Variants in ERC1 observed in about 807,000 individuals in gnomAD.
ERC1 encodes ELKS/RAB6-interacting/CAST family member 1, also known as RAB6 interacting protein 2.
Under a neutral mutation model 132.0 loss-of-function variants are expected in ERC1, and 56 were observed. That is an observed-to-expected ratio of 0.42 (90% confidence interval 0.34 to 0.53). ERC1 has a LOEUF of 0.53. Ranked by LOEUF, ERC1 falls within the 20% of genes least tolerant of loss-of-function variation. ERC1 has a pLI of 0.03. For missense variants in ERC1, 1,202 were observed against 1,349.9 expected (o/e 0.89, Z 1.72); for synonymous variants, 478 against 476.1 (o/e 1.00, Z -0.05).
At chr12:1,345,981 T>A (rs904220004) in intron 15 of ERC1, among the ~76,000 whole-genome samples, 1 of 152,194 alleles carries the variant, frequency 6.6e-6, no homozygotes, top group East Asian at 1.9e-4. Context: ...AGTGGATGAA[T>A]GTTCCCGGAT....
At chr12:1,405,316 G>A (rs995845016) in intron 16 of ERC1, among the ~76,000 whole-genome samples, 3 of 149,304 alleles carry the variant, frequency 2.0e-5, no homozygotes, top group Non-Finnish European at 3.0e-5. Flanking sequence ...CTATCGTTAT[G>A]TACTGGAGGG....
At chr12:1,320,424 A>G (rs2082036262) in intron 15 of ERC1, among the ~76,000 whole-genome samples, 1 of 152,170 alleles carries the variant, frequency 6.6e-6, no homozygotes, top group Non-Finnish European at 1.5e-5. Context: ...ATATCTTTCT[A>G]CACCATTACT....
chr12:1,130,412 T>G (rs1948642921), intron 7 of ERC1, among the ~76,000 whole-genome samples: 1 of 151,404 alleles, frequency 6.6e-6, no homozygotes, highest in Non-Finnish European at 1.5e-5. Flanking sequence ...TTATGTTATG[T>G]GTTGGCTTAA....
At chr12:1,212,441 G>A (rs903615236) in intron 12 of ERC1, among the ~76,000 whole-genome samples, 4 of 152,034 alleles carry the variant, frequency 2.6e-5, no homozygotes, top group Non-Finnish European at 5.9e-5. Context: ...CTAGCTTAGG[G>A]CTCTTTCCTG....
chr12:1,129,300 G>A (rs892899261), intron 7 of ERC1, among the ~76,000 whole-genome samples: 2 of 140,346 alleles, frequency 1.4e-5, no homozygotes, highest in African/African-American at 2.6e-5. Flanking sequence ...GTGAGACTGC[G>A]TCTCCACAAA....
At chr12:1,213,781 A>G (rs1386550711) in intron 12 of ERC1, among the ~76,000 whole-genome samples, 13 of 150,718 alleles carry the variant, frequency 8.6e-5, no homozygotes, top group Admixed American at 8.6e-4. Flanking sequence ...GTGCATGCCT[A>G]TAATCCCAGC....
chr12:1,276,764 A>G (rs1051360502), intron 14 of ERC1, among the ~76,000 whole-genome samples: 14 of 152,230 alleles, frequency 9.2e-5, no homozygotes, highest in African/African-American at 3.4e-4. Context: ...TTTACTAAGT[A>G]ATTAAATTAT....
chr12:1,480,662 G>A (rs563937150), intron 18 of ERC1, among the ~76,000 whole-genome samples: 13 of 152,020 alleles, frequency 8.6e-5, no homozygotes, highest in African/African-American at 2.9e-4. Context: ...GTATTCTTTC[G>A]GAAATTCTTT....
chr12:1,050,446 T>C (rs986336930), intron 2 of ERC1, among the ~76,000 whole-genome samples: 1 of 152,196 alleles, frequency 6.6e-6, no homozygotes, highest in Non-Finnish European at 1.5e-5. Flanking sequence ...CTTTACTATA[T>C]GTGAATCACC....
intron 13 of ERC1, among the ~76,000 whole-genome samples, chr12:1,248,570 G>C (rs1159876995): frequency 6.6e-6 from 1 of 152,194 alleles, no homozygotes. Flanking sequence ...ATAGGTAAGG[G>C]TCAGGTCAAA....
At chr12:1,225,471 C>A (rs1033337769) in intron 12 of ERC1, among the ~76,000 whole-genome samples, 1 of 151,712 alleles carries the variant, frequency 6.6e-6, no homozygotes, top group African/African-American at 2.4e-5. Context: ...CACACACACA[C>A]ACACACACAC....
intron 12 of ERC1, among the ~76,000 whole-genome samples, chr12:1,222,204 A>G (rs1028270830): frequency 1.3e-5 from 2 of 151,352 alleles, no homozygotes; most frequent in African/African-American, 4.9e-5. Flanking sequence ...CTGTAGGACT[A>G]TTATGAGTGT....
intron 12 of ERC1, among the ~76,000 whole-genome samples, chr12:1,196,912 A>G (rs1956337384): frequency 2.6e-4 from 1 of 3,908 alleles, no homozygotes; most frequent in Non-Finnish European, 5.1e-4. Context: ...CTCTACACAC[A>G]CACACACACA....
intron 15 of ERC1, among the ~76,000 whole-genome samples, chr12:1,293,630 A>C (rs975187776): frequency 1.6e-5 from 2 of 123,742 alleles, no homozygotes; most frequent in African/African-American, 6.5e-5. Context: ...ACTCTGTCTC[A>C]AAAAAAAAAA....
At chr12:1,224,689 A>C (rs1368876601) in intron 12 of ERC1, among the ~76,000 whole-genome samples, 6 of 152,096 alleles carry the variant, frequency 3.9e-5, no homozygotes, top group South Asian at 2.1e-4. Flanking sequence ...ATAAAAAAGA[A>C]AAAAAAATAG....
chr12:1,353,077 C>T (rs1465943410), intron 15 of ERC1, among the ~76,000 whole-genome samples: 1 of 146,084 alleles, frequency 6.8e-6, no homozygotes, highest in Non-Finnish European at 1.5e-5. Context: ...ATCACTCAGG[C>T]TGGAGTGCAG....
chr12:1,237,968 A>G (rs2154303950), intron 13 of ERC1, among the ~76,000 whole-genome samples: 1 of 152,322 alleles, frequency 6.6e-6, no homozygotes, highest in Middle Eastern at 3.4e-3. Flanking sequence ...TTCTTTTAAC[A>G]TATGAAGAAG....
Position 1,182,073 on chromosome 12 carries a change from TCC to T in ERC1, c.2016+11_2016+12del. The T allele has an allele frequency of 6.2e-7, 1 of 1,612,256 alleles. No individual in the cohort carries two copies. ...GACCTTTCAGAGAAAGAGGTTAAGCTCCCCAAAATGGAATTAGTTTGTTTGCT... is the reference window on the plus strand; with the variant it reads ...GACCTTTCAGAGAAAGAGGTTAAGCTCCAAAATGGAATTAGTTTGTTTGCT... On this transcript the variant is annotated intron_variant, in intron 10 of 18. Coordinates refer to ENST00000360905, the MANE Select transcript of ERC1 (RefSeq NM_178040.4).
intron 7 of ERC1, among the ~76,000 whole-genome samples, chr12:1,133,717 T>C (rs146958855): frequency 6.6e-6 from 1 of 152,358 alleles, no homozygotes; most frequent in East Asian, 1.9e-4. Context: ...CATTATTAAT[T>C]ACACGCTGCT....
Sources: allele counts gnomAD v4.1 joint callset (sites outside exome capture counted in the v4.1 genomes callset), GRCh38; gene constraint gnomAD v4.1.1; transcripts MANE v1.5; gene names NCBI Gene and HGNC (gene_info 2026-07-23, HGNC 2026-07-21).